AJAP1: variants seen among roughly 807,000 people sequenced by gnomAD.
AJAP1 encodes the protein adherens junction-associated protein 1.
A neutral mutation model predicts 35.0 loss-of-function variants in AJAP1; 5 were observed. The observed-to-expected ratio is 0.14, with a 90% CI of 0.07 to 0.30. The LOEUF is 0.30. Ranked by LOEUF, AJAP1 falls within the 10% of genes least tolerant of loss-of-function variation. AJAP1 has a pLI of 1.00. For synonymous variants in AJAP1, 284 were observed against 249.3 expected (o/e 1.14, Z -1.31); for missense variants, 586 against 571.0 (o/e 1.03, Z -0.27).
At chr1:4,754,837 G>A (rs1386941884) in intron 2 of AJAP1, among the ~76,000 whole-genome samples, 1 of 151,252 alleles carries the variant, frequency 6.6e-6, no homozygotes, top group Non-Finnish European at 1.5e-5. Context: ...CCTGCCCTTG[G>A]GTCCTCCTTC....
At chr1:4,755,583 T>A (rs1467976108) in intron 2 of AJAP1, among the ~76,000 whole-genome samples, 1 of 150,632 alleles carries the variant, frequency 6.6e-6, no homozygotes, top group Non-Finnish European at 1.5e-5. Flanking sequence ...GTACCGGGGG[T>A]TTGACTCAGA....
chr1:4,721,789 A>G (rs1019627259), intron 2 of AJAP1, among the ~76,000 whole-genome samples: 1 of 151,968 alleles, frequency 6.6e-6, no homozygotes, highest in African/African-American at 2.4e-5. Context: ...ATTTTGTGAC[A>G]CTCCCTTTAC....
chr1:4,661,848 G>A (rs1447936685), intron 1 of AJAP1, among the ~76,000 whole-genome samples: 2 of 152,110 alleles, frequency 1.3e-5, no homozygotes, highest in South Asian at 2.1e-4. Context: ...AACGTCATGG[G>A]GAGATGAAAA....
intron 4 of AJAP1, among the ~76,000 whole-genome samples, chr1:4,772,941 G>A (rs1430338154): frequency 6.6e-6 from 1 of 152,074 alleles, no homozygotes; most frequent in Non-Finnish European, 1.5e-5. Flanking sequence ...AAATGTCAGC[G>A]GCAAATTTAG....
At chr1:4,680,476 C>T (rs993657406) in intron 1 of AJAP1, among the ~76,000 whole-genome samples, 4 of 152,222 alleles carry the variant, frequency 2.6e-5, no homozygotes, top group Non-Finnish European at 2.9e-5. Flanking sequence ...GTTACACCCT[C>T]CTATGGGAGA....
At chr1:4,676,152 G>C (rs917078460) in intron 1 of AJAP1, among the ~76,000 whole-genome samples, 3 of 152,198 alleles carry the variant, frequency 2.0e-5, no homozygotes, top group Non-Finnish European at 4.4e-5. Flanking sequence ...GCCCACTGCT[G>C]CAGAGGCCAG....
intron 2 of AJAP1, among the ~76,000 whole-genome samples, chr1:4,748,460 G>T (rs1429038923): frequency 1.3e-5 from 2 of 152,074 alleles, no homozygotes; most frequent in Non-Finnish European, 2.9e-5. Context: ...AATGGAACAG[G>T]GCTCTGGCTG....
At chr1:4,700,843 G>A (rs1639971807) in intron 1 of AJAP1, among the ~76,000 whole-genome samples, 1 of 152,228 alleles carries the variant, frequency 6.6e-6, no homozygotes, top group Admixed American at 6.5e-5. Flanking sequence ...GACCTGTGGG[G>A]CCCTTCGTGG....
intron 5 of AJAP1, among the ~76,000 whole-genome samples, chr1:4,778,590 TC>T (rs1314331022): frequency 8.6e-4 from 97 of 113,054 alleles, no homozygotes; most frequent in African/African-American, 2.9e-3. Context: ...TCTCTCTCTC[TC>T]TCTCTCTCTC....
chr1:4,702,747 A>G (rs1028394000), intron 1 of AJAP1, among the ~76,000 whole-genome samples: 2 of 151,546 alleles, frequency 1.3e-5, no homozygotes, highest in African/African-American at 4.9e-5. Context: ...TCCGCTGGGT[A>G]CTCTCCTCTA....
At chr1:4,680,402 C>A (rs1570104181) in intron 1 of AJAP1, among the ~76,000 whole-genome samples, 1 of 152,192 alleles carries the variant, frequency 6.6e-6, no homozygotes, top group East Asian at 1.9e-4. Context: ...GTCCCTATTT[C>A]AAAATAAGGT....
intron 1 of AJAP1, among the ~76,000 whole-genome samples, chr1:4,707,493 T>C (rs1015569724): frequency 6.6e-6 from 1 of 152,168 alleles, no homozygotes; most frequent in African/African-American, 2.4e-5. Context: ...GCATTTCCTA[T>C]AAACGGAACC....
intron 2 of AJAP1, among the ~76,000 whole-genome samples, chr1:4,740,966 A>G (rs1641055203): frequency 6.6e-6 from 1 of 152,006 alleles, no homozygotes; most frequent in South Asian, 2.1e-4. Context: ...ACTTGGGGCC[A>G]AGGACACTTC....
At chr1:4,754,385 G>T (rs1053977187) in intron 2 of AJAP1, among the ~76,000 whole-genome samples, 1 of 152,118 alleles carries the variant, frequency 6.6e-6, no homozygotes, top group African/African-American at 2.4e-5. Flanking sequence ...GCCAATTCTT[G>T]CTCTCAAGGC....
At position 4,692,090 on chromosome 1, in the gene AJAP1, G is replaced by T. The variant is rs1366968182; in HGVS notation, c.30-19810G>T. ...GTGCTCCTTCCGGGAATGGCAGGTGGCATGGCGCCCGGCCGGCCCTGCGTG... is the reference window on the plus strand; with the variant it reads ...GTGCTCCTTCCGGGAATGGCAGGTGTCATGGCGCCCGGCCGGCCCTGCGTG... On this transcript the variant is annotated intron_variant, in intron 1 of 5. Coordinates refer to ENST00000378191, the MANE Select transcript of AJAP1 (RefSeq NM_018836.4). This position sits in a 1 kb window ranked among gnomAD's most constrained non-coding sequence, Gnocchi z 4.4. Among the ~76,000 whole-genome samples, 1 of 152,184 alleles carries T rather than the reference G, an allele frequency of 6.6e-6. No individual in the cohort carries two copies. The highest frequency in any genetic ancestry group is 1.5e-5 in the Non-Finnish European group (1 of 68,032).
In AJAP1 at chr1:4,774,569, C is replaced by T. The variant is rs370390139; in HGVS notation, c.*59+11C>T. On this transcript the variant is annotated intron_variant, in intron 5 of 5. Coordinates refer to ENST00000378191, the MANE Select transcript of AJAP1 (RefSeq NM_018836.4). The stretch of plus-strand genomic sequence containing the variant: ...TGTGTCTGTTTCACGGTAGGTACCT[C>T]TCTTTGGACATTCCTGTTTTCGTTC... The T allele has an allele frequency of 2.7e-5, 40 of 1,459,998 alleles. No individual in the cohort carries two copies. Among genetic ancestry groups the T allele is most frequent in the East Asian group, 1.6e-4 (7 of 44,082 alleles). 90.4% of individuals were successfully genotyped at this position (1,459,998 alleles called of 1,614,324 possible). A position where few individuals can be genotyped will look rare whatever the true frequency, so the allele number is the denominator to read the frequency against.
intron 1 of AJAP1, among the ~76,000 whole-genome samples, chr1:4,663,401 G>A (rs1186697486): frequency 6.6e-6 from 1 of 152,136 alleles, no homozygotes; most frequent in Non-Finnish European, 1.5e-5. Context: ...AGAAGGGGCA[G>A]CCCTCAAGCA....
In AJAP1 at chr1:4,717,314, C is replaced by A. The variant is rs185546897; in HGVS notation, c.829+4615C>A. On this transcript the variant is annotated intron_variant, in intron 2 of 5. Transcript: ENST00000378191. Reference sequence around the variant, plus strand: ...TTTCCTGAACCTTACGTTCTTAGGCCGTGCATGCTGGCATCTGGCCCCAAG... The same window carrying A: ...TTTCCTGAACCTTACGTTCTTAGGCAGTGCATGCTGGCATCTGGCCCCAAG... 1.6e-3 allele frequency among the ~76,000 whole-genome samples: 243 copies of A among 152,284 alleles called. 1 individual carries two copies. The highest frequency in any genetic ancestry group is 5.4e-3 in the African/African-American group (223 of 41,558).
intron 1 of AJAP1, among the ~76,000 whole-genome samples, chr1:4,670,570 C>G (rs1183683644): frequency 6.6e-6 from 1 of 152,192 alleles, no homozygotes; most frequent in African/African-American, 2.4e-5. Flanking sequence ...TTACTTTTCA[C>G]TGGAAGCAGC....
Sources: gnomAD v4.1 joint callset for allele counts (sites outside exome capture counted in the v4.1 genomes callset) on GRCh38, gnomAD v4.1.1 for gene constraint, Gnocchi (gnomAD v3.1) non-coding constraint, MANE v1.5 for transcripts, NCBI Gene and HGNC (gene_info 2026-07-23, HGNC 2026-07-21) for gene names.